CMPK1: variants seen among roughly 807,000 people sequenced by gnomAD.
CMPK1 encodes UMP-CMP kinase.
Under a neutral mutation model 25.7 loss-of-function variants are expected in CMPK1, and 10 were observed. That is an observed-to-expected ratio of 0.39 (90% CI 0.24 to 0.66). CMPK1 has a LOEUF of 0.66. Ranked by LOEUF, CMPK1 falls within the 30% of genes least tolerant of loss-of-function variation. The pLI is 0.48. For synonymous variants in CMPK1, 106 were observed against 101.5 expected, an observed-to-expected ratio of 1.04 and a Z score of -0.27; for missense variants, 199 against 280.5, an observed-to-expected ratio of 0.71 and a Z score of 2.08.
In CMPK1 at chr1:47,357,556, CT is replaced by C. The variant is rs1646570857; in HGVS notation, c.172-10912del. The stretch of plus-strand genomic sequence containing the variant: ...CTGAAGTGCGGTGGTGTGATCTCAG[CT>C]CACTGCAACCTCTGCCTCCCGGGTT... On this transcript the variant is annotated intron_variant, in intron 1 of 5. Transcript: ENST00000371873. Among the ~76,000 whole-genome samples, 6 of 150,308 alleles carry C rather than the reference CT, an allele frequency of 4.0e-5. No homozygotes were observed. The Admixed American group carries it at 4.0e-4, about 10-fold the overall frequency.
At chr1:47,361,050 G>A (rs1246428662) in intron 1 of CMPK1, among the ~76,000 whole-genome samples, 1 of 132,076 alleles carries the variant, frequency 7.6e-6, no homozygotes, top group Admixed American at 7.7e-5. Flanking sequence ...GTAAACATAT[G>A]TAACATACAT....
intron 1 of CMPK1, among the ~76,000 whole-genome samples, chr1:47,345,862 TCTC>T (rs1458840869): frequency 1.3e-5 from 2 of 151,620 alleles, no homozygotes; most frequent in Non-Finnish European, 2.9e-5. Flanking sequence ...TTCAAGCAAT[TCTC>T]CTGCCTCAGC....
chr1:47,343,813 G>A lies in CMPK1; in HGVS notation c.171+9697G>A, dbSNP rs567580851. ...GAGGCAGGAGCATGGCGTGAACCCA[G>A]GAGGCGGAGCTTGCGGTGAGCCGAG... On this transcript the variant is annotated intron_variant, in intron 1 of 5. Transcript: ENST00000371873. Among the ~76,000 whole-genome samples, 6 of 152,054 alleles carry A rather than the reference G, an allele frequency of 3.9e-5. No homozygotes were observed. In the South Asian group the frequency reaches 1.0e-3, roughly 26 times the overall value.
At chr1:47,335,439 C>A (rs888072218) in intron 1 of CMPK1, among the ~76,000 whole-genome samples, 1 of 152,046 alleles carries the variant, frequency 6.6e-6, no homozygotes, top group Non-Finnish European at 1.5e-5. Context: ...GAGTTCGAGA[C>A]CAGCCTGGCT....
At chr1:47,343,174 A>G (rs1646454396) in intron 1 of CMPK1, among the ~76,000 whole-genome samples, 1 of 151,104 alleles carries the variant, frequency 6.6e-6, no homozygotes, top group Non-Finnish European at 1.5e-5. Flanking sequence ...TTTAGTAGAG[A>G]TGAGGTTTCA....
chr1:47,362,732 C>T (rs921066053), intron 1 of CMPK1, among the ~76,000 whole-genome samples: 7 of 152,206 alleles, frequency 4.6e-5, no homozygotes, highest in African/African-American at 1.2e-4. Context: ...AACTTCCATA[C>T]TTTAATATGT....
chr1:47,365,486 T>A (rs566938870), intron 1 of CMPK1, among the ~76,000 whole-genome samples: 18 of 151,828 alleles, frequency 1.2e-4, no homozygotes, highest in African/African-American at 3.9e-4. Flanking sequence ...GTACAAAAAT[T>A]AGCTGGATGC....
intron 2 of CMPK1, among the ~76,000 whole-genome samples, chr1:47,371,443 C>T (rs185092145): frequency 2.1e-3 from 316 of 152,332 alleles, no homozygotes; most frequent in African/African-American, 7.3e-3. Flanking sequence ...TTGCATGTTA[C>T]CAATGATGAT....
At chr1:47,339,013 C>G (rs1344811517) in intron 1 of CMPK1, among the ~76,000 whole-genome samples, 1 of 151,706 alleles carries the variant, frequency 6.6e-6, no homozygotes, top group Non-Finnish European at 1.5e-5. Flanking sequence ...AAGCTTATAA[C>G]CATGCCAAAT....
chr1:47,335,199 G>A (rs1371660183), intron 1 of CMPK1, among the ~76,000 whole-genome samples: 1 of 152,138 alleles, frequency 6.6e-6, no homozygotes, highest in Non-Finnish European at 1.5e-5. Flanking sequence ...CTAGGATATG[G>A]CCAATATTAG....
chr1:47,375,891 C>T (rs1002015072), intron 5 of CMPK1, among the ~76,000 whole-genome samples: 4 of 152,150 alleles, frequency 2.6e-5, no homozygotes, highest in African/African-American at 4.8e-5. Flanking sequence ...GAATCTTCAT[C>T]CTCTTATAGT....
intron 1 of CMPK1, among the ~76,000 whole-genome samples, chr1:47,339,328 A>T (rs576986775): frequency 6.6e-6 from 1 of 152,150 alleles, no homozygotes; most frequent in East Asian, 1.9e-4. Flanking sequence ...GAAGCATTTT[A>T]TCATCTGTGT....
chr1:47,345,369 A>G (rs1646475124), intron 1 of CMPK1, among the ~76,000 whole-genome samples: 2 of 152,088 alleles, frequency 1.3e-5, no homozygotes, highest in Admixed American at 6.6e-5. Context: ...TAACAGCTAT[A>G]TTAAGTAAGT....
chr1:47,337,432 A>G (rs1646407114), intron 1 of CMPK1, among the ~76,000 whole-genome samples: 1 of 152,130 alleles, frequency 6.6e-6, no homozygotes, highest in African/African-American at 2.4e-5. Context: ...ATGTTCTGTA[A>G]TGTATTATAT....
At chr1:47,355,252 G>A (rs1052136688) in intron 1 of CMPK1, among the ~76,000 whole-genome samples, 3 of 151,594 alleles carry the variant, frequency 2.0e-5, no homozygotes, top group Admixed American at 2.0e-4. Context: ...CGCTATGTTG[G>A]CCAGGCTGGT....
At chr1:47,373,960 A>G (rs1268758633) in intron 3 of CMPK1, among the ~76,000 whole-genome samples, 2 of 152,242 alleles carry the variant, frequency 1.3e-5, no homozygotes, top group Non-Finnish European at 2.9e-5. Flanking sequence ...CATTTAATTA[A>G]AAAGCCTGAA....
At chr1:47,349,289 GT>G (rs1489053045) in intron 1 of CMPK1, among the ~76,000 whole-genome samples, 1 of 152,226 alleles carries the variant, frequency 6.6e-6, no homozygotes, top group East Asian at 1.9e-4. Flanking sequence ...TCAGAGGCCT[GT>G]TGTGGAATAA....
chr1:47,333,981 C>T lies in CMPK1; in HGVS notation c.36C>T (p.Val12=). ...GCTGCCGCAGCGGGCTGCTCCACGT[C>T]CTGGGCCTTAGCTTCCTGCTGCAGA... ...LSRCRSGLLH[V]LGLSFLLQTR... The change falls in exon 1 of 6, where the codon GTC becomes GTT. Residue 12 remains valine (V), a synonymous_variant. Coordinates refer to ENST00000371873, the MANE Select transcript of CMPK1 (RefSeq NM_016308.3). The T allele has an allele frequency of 5.2e-6, 8 of 1,534,328 alleles. No individual in the cohort carries two copies. The highest frequency in any genetic ancestry group is 7.0e-6 in the Non-Finnish European group (8 of 1,139,304).
At chr1:47,366,308 G>A (rs1646639600) in intron 1 of CMPK1, among the ~76,000 whole-genome samples, 1 of 152,202 alleles carries the variant, frequency 6.6e-6, no homozygotes, top group Admixed American at 6.5e-5. Context: ...TACCCACTAA[G>A]TTTTAATTGC....
Sources: allele counts gnomAD v4.1 joint callset (sites outside exome capture counted in the v4.1 genomes callset), GRCh38; gene constraint gnomAD v4.1.1; transcripts MANE v1.5; gene names NCBI Gene and HGNC (gene_info 2026-07-23, HGNC 2026-07-21).